Variants in TMEM229B observed in about 807,000 individuals in gnomAD.
The protein encoded by TMEM229B is chromosome 14 open reading frame 83.
TMEM229B carries 6 observed loss-of-function variants against 13.7 expected under a neutral mutation model. That is an observed-to-expected ratio of 0.44 (90% CI 0.24 to 0.86). TMEM229B has a LOEUF of 0.86. Ranked by LOEUF, TMEM229B falls within the 40% of genes least tolerant of loss-of-function variation. TMEM229B has a pLI of 0.23. For missense variants in TMEM229B, 170 were observed against 236.0 expected (o/e 0.72, Z 1.83); for synonymous variants, 107 against 102.1 (o/e 1.05, Z -0.29).
Position 67,473,425 on chromosome 14 carries a change from C to T in TMEM229B, c.499G>A (p.Asp167Asn), listed in dbSNP as rs1244219635. Residue 167 changes from aspartate (D) to asparagine (N), a missense_variant, in exon 3 of 3, where the codon GAC (aspartate) becomes AAC (asparagine). By Grantham distance (23) the Asp-to-Asn change is conservative. Transcript: ENST00000554480. This position sits in a 1 kb window ranked among gnomAD's most constrained non-coding sequence, Gnocchi z 6.5. ...LALANGHVKT[D>N] ...GCCCCCCACCCGCTTCCTGCTCAGT[C>T]AGTCTTGACATGGCCGTTGGCCAGG... The T allele has an allele frequency of 6.2e-7, 1 of 1,613,054 alleles. No individual in the cohort carries two copies. Among genetic ancestry groups the T allele is most frequent in the South Asian group, 1.1e-5 (1 of 90,980 alleles).
intron 1 of TMEM229B, among the ~76,000 whole-genome samples, chr14:67,532,364 G>A (rs2033488576): frequency 1.3e-5 from 2 of 152,184 alleles, no homozygotes; most frequent in Admixed American, 1.3e-4. Context: ...GAGGAAGAAG[G>A]CTCTGTTTTG....
upstream of TMEM229B, among the ~76,000 whole-genome samples, chr14:67,519,463 A>G (rs1343129246): frequency 1.3e-5 from 2 of 152,194 alleles, no homozygotes; most frequent in Non-Finnish European, 2.9e-5. Context: ...GCTCAAGCAT[A>G]AAGAGTCAAA....
chr14:67,504,257 G>A (rs61988189), intron 1 of TMEM229B, among the ~76,000 whole-genome samples: 110,547 of 151,778 alleles, frequency 0.73, 42,070 homozygotes, highest in Non-Finnish European at 0.85. Flanking sequence ...CAAGTGATGC[G>A]CTTACCTCAG....
At chr14:67,531,203 C>T (rs181134625) in intron 1 of TMEM229B, among the ~76,000 whole-genome samples, 2 of 152,164 alleles carry the variant, frequency 1.3e-5, no homozygotes, top group African/African-American at 4.8e-5. Context: ...ACTGCTTGAG[C>T]CTAGGAGTTC....
intron 1 of TMEM229B, among the ~76,000 whole-genome samples, chr14:67,511,268 T>C (rs1268517544): frequency 6.6e-6 from 1 of 152,188 alleles, no homozygotes; most frequent in Non-Finnish European, 1.5e-5. Flanking sequence ...AGCAAAGGAA[T>C]GGCAGAAAGT....
rs190682618 is a variant in TMEM229B at position 67,504,882 on chromosome 14, G to A, written c.-192+10204C>T. ...ATCAGGGCAACAAGAGCGACACTCCGTCTCAAACAAAACAAAACAAAAACA... is the reference window on the plus strand; with the variant it reads ...ATCAGGGCAACAAGAGCGACACTCCATCTCAAACAAAACAAAACAAAAACA... On this transcript the variant is annotated intron_variant, in intron 1 of 2. Coordinates refer to the TMEM229B transcript ENST00000357461. Among the ~76,000 whole-genome samples the A allele has an allele frequency of 5.9e-5, 9 of 152,212 alleles. 1 individual carries two copies. Among genetic ancestry groups the A allele is most frequent in the East Asian group, 3.9e-4 (2 of 5,192 alleles).
At chr14:67,522,414 T>C (rs905810719) in intron 1 of TMEM229B, among the ~76,000 whole-genome samples, 25 of 152,144 alleles carry the variant, frequency 1.6e-4, no homozygotes, top group Non-Finnish European at 1.8e-4. Flanking sequence ...AGCTTAGTCG[T>C]CTGAGGGGGG....
chr14:67,474,917 T>C (rs1210558446), intron 2 of TMEM229B, among the ~76,000 whole-genome samples: 1 of 147,410 alleles, frequency 6.8e-6, no homozygotes, highest in East Asian at 2.0e-4. Context: ...TTTCCTTCTT[T>C]TTTTTTTTTT....
chr14:67,494,976 A>G (rs571385898), intron 1 of TMEM229B, among the ~76,000 whole-genome samples: 3 of 152,190 alleles, frequency 2.0e-5, no homozygotes, highest in Non-Finnish European at 2.9e-5. Flanking sequence ...AATAAAGCAA[A>G]TGGGGCAAAA....
intron 1 of TMEM229B, among the ~76,000 whole-genome samples, chr14:67,496,102 T>G (rs1184188192): frequency 2.0e-5 from 3 of 152,360 alleles, no homozygotes; most frequent in Non-Finnish European, 2.9e-5. Flanking sequence ...GGTGGGAGGA[T>G]TGCTTGAGCC....
chr14:67,531,588 C>T (rs746514295), intron 1 of TMEM229B, among the ~76,000 whole-genome samples: 2 of 151,850 alleles, frequency 1.3e-5, no homozygotes, highest in African/African-American at 2.4e-5. Flanking sequence ...CTCCATGGTG[C>T]GTCTCTTTTC....
intron 1 of TMEM229B, among the ~76,000 whole-genome samples, chr14:67,507,076 C>T (rs2140223349): frequency 6.6e-6 from 1 of 152,282 alleles, no homozygotes; most frequent in South Asian, 2.1e-4. Context: ...ACAAAGAAGA[C>T]GTGGTCCCTG....
chr14:67,520,005 G>C (rs1360486294), upstream of TMEM229B, among the ~76,000 whole-genome samples: 1 of 151,878 alleles, frequency 6.6e-6, no homozygotes, highest in Non-Finnish European at 1.5e-5. Context: ...TCATAGGCGT[G>C]AGCCACCATG....
At chr14:67,479,895 G>T (rs965340352) in intron 2 of TMEM229B, among the ~76,000 whole-genome samples, 1 of 152,084 alleles carries the variant, frequency 6.6e-6, no homozygotes, top group African/African-American at 2.4e-5. Flanking sequence ...TGCCTCACAG[G>T]TCTCAATATG....
Position 67,472,557 on chromosome 14 carries a change from G to A in TMEM229B, c.*863C>T. 6.6e-6 allele frequency: 1 copy of A among 152,650 alleles called. No individual in the cohort carries two copies. The allele number at this position is 152,650 out of a possible 1,614,324, so 9.5% of individuals were successfully genotyped here. ...GGAGGTGTAACTCAGGAACTCCCCA[G>A]GCATCAGGCCAGCCGGAACAGTGGA... On this transcript the variant is annotated 3_prime_UTR_variant, in exon 3 of 3. Coordinates refer to ENST00000554480, the MANE Select transcript of TMEM229B (RefSeq NM_001348543.2).
rs145901010 is a variant in TMEM229B, at chr14:67,532,640, C to T, written c.-192+996G>A. ...GGCCCAGGCGGGAAGATCACTTGAGCTCCGGAGTTCGAGTCCAGCCTGGGC... is the reference window on the plus strand; with the variant it reads ...GGCCCAGGCGGGAAGATCACTTGAGTTCCGGAGTTCGAGTCCAGCCTGGGC... On this transcript the variant is annotated intron_variant, in intron 1 of 2. Transcript: ENST00000554278. Among the ~76,000 whole-genome samples, 701 of 152,282 alleles carry T rather than the reference C, an allele frequency of 4.6e-3. 10 individuals are homozygous for T. The highest frequency in any genetic ancestry group is 0.017 in the Admixed American group (263 of 15,302).
intron 2 of TMEM229B, among the ~76,000 whole-genome samples, chr14:67,480,499 C>T (rs982240730): frequency 1.3e-5 from 2 of 152,100 alleles, no homozygotes; most frequent in Non-Finnish European, 2.9e-5. Context: ...GGGGCACAGC[C>T]TCTCACCCCC....
At chr14:67,483,756 T>C (rs1387519119) in intron 2 of TMEM229B, among the ~76,000 whole-genome samples, 1 of 151,794 alleles carries the variant, frequency 6.6e-6, no homozygotes, top group Non-Finnish European at 1.5e-5. Context: ...CTCCTGGGAG[T>C]CTCAGATGGC....
At chr14:67,477,565 A>G (rs2031297441) in intron 2 of TMEM229B, among the ~76,000 whole-genome samples, 1 of 152,120 alleles carries the variant, frequency 6.6e-6, no homozygotes, top group African/African-American at 2.4e-5. Flanking sequence ...TGCTACACCT[A>G]TAGCTCCTGC....
Sources: allele counts gnomAD v4.1 joint callset (sites outside exome capture counted in the v4.1 genomes callset), GRCh38; gene constraint gnomAD v4.1.1; non-coding constraint Gnocchi (gnomAD v3.1); transcripts MANE v1.5; gene names NCBI Gene and HGNC (gene_info 2026-07-23, HGNC 2026-07-21).